RBM23: variants seen among roughly 807,000 people sequenced by gnomAD.
RBM23 encodes the protein RNA binding motif protein 23.
RBM23 carries 53 observed loss-of-function variants against 56.2 expected under a neutral mutation model. The observed-to-expected ratio is 0.94, with a 90% confidence interval of 0.76 to 1.19. RBM23 has a LOEUF of 1.19. Ranked by LOEUF, RBM23 falls within the 50% of genes most tolerant of loss-of-function variation. RBM23 has a pLI of 0.00. For synonymous variants in RBM23, 197 were observed against 198.5 expected (o/e 0.99, Z 0.06); for missense variants, 642 against 590.3 (o/e 1.09, Z -0.91).
At chr14:22,903,032 T>C (rs1022538740) in intron 10 of RBM23, 11 of 970,062 alleles carry the variant, frequency 1.1e-5, no homozygotes, top group Non-Finnish European at 1.3e-5. Context: ...TTCACCCACC[T>C]TGGCCTCCCA....
chr14:22,913,676 C>T (rs944872485), intron 1 of RBM23: 1 of 151,004 alleles, frequency 6.6e-6, no homozygotes, highest in Non-Finnish European at 1.5e-5. Context: ...GGTGAAACCT[C>T]ATCTCTACTA....
At position 22,895,773 on chromosome 14, in the gene RBM23, T is replaced by TCAAAA. The variant is rs1401888631; in HGVS notation, c.*5952_*5956dup. ...ATGGGCAACAGAGCCAGACCCTGTC[T>TCAAAA]CAAAACAAAACAAAACTGAGTGCCC... On this transcript the variant is annotated 3_prime_UTR_variant, in exon 14 of 14. Coordinates refer to ENST00000359890, the MANE Select transcript of RBM23 (RefSeq NM_001077351.2). 1 of 152,336 alleles carries TCAAAA rather than the reference T, an allele frequency of 6.6e-6. No individual in the cohort carries two copies. The highest frequency in any genetic ancestry group is 2.4e-5 in the African/African-American group (1 of 41,448). 9.4% of individuals were successfully genotyped at this position (152,336 alleles called of 1,614,324 possible).
At chr14:22,909,429 C>A (rs939700176) in intron 3 of RBM23, 54 bp downstream of exon 3, 1 of 1,437,650 alleles carries the variant, frequency 7.0e-7, no homozygotes, top group Non-Finnish European at 9.8e-7. Context: ...TTCCAATGGA[C>A]AAAACTGTTT....
intron 10 of RBM23, chr14:22,902,873 C>T: frequency 1.2e-6 from 1 of 822,810 alleles, no homozygotes; most frequent in Non-Finnish European, 1.5e-6. Flanking sequence ...CTCCTGGGTT[C>T]AAGCAATTCT....
Position 22,909,604 on chromosome 14 carries a change from T to C in RBM23, c.67-9A>G, listed in dbSNP as rs753776492. 8.7e-6 allele frequency: 14 copies of C among 1,607,326 alleles called. No individual in the cohort carries two copies. Among genetic ancestry groups the C allele is most frequent in the Non-Finnish European group, 1.2e-5 (14 of 1,174,550 alleles). ...TTCCTTTGTTGCTCATCCTGAGGCA[T>C]TCACCAGGAAAATGTCACAAGGTAT... On this transcript the variant is annotated splice_polypyrimidine_tract_variant and intron_variant, in intron 2 of 13. Transcript: ENST00000359890.
intron 5 of RBM23, chr14:22,905,907 A>C: frequency 1.7e-6 from 1 of 589,872 alleles, no homozygotes; most frequent in Admixed American, 3.1e-5. Flanking sequence ...ACATGACCAT[A>C]TCTAGCTCAT....
intron 2 of RBM23, among the ~76,000 whole-genome samples, 194 bp downstream of exon 2, chr14:22,911,134 G>A (rs897305459): frequency 3.3e-5 from 5 of 152,234 alleles, no homozygotes; most frequent in Admixed American, 6.5e-5. Flanking sequence ...GGTTTCTGAG[G>A]TTGTCTCTAA....
In RBM23 at chr14:22,897,147, C is replaced by T. The variant is rs1379626337; in HGVS notation, c.*4583G>A. The T allele has an allele frequency of 6.6e-6, 1 of 152,168 alleles. No homozygotes were observed. The highest frequency in any genetic ancestry group is 2.4e-5 in the African/African-American group (1 of 41,436). 9.4% of individuals were successfully genotyped at this position (152,168 alleles called of 1,614,324 possible). A position where few individuals can be genotyped will look rare whatever the true frequency, so the allele number is the denominator to read the frequency against. ...CAGCCTTTGGAAAGCCTGGTGCTGA[C>T]TTTAACACTTTAATGAACAGCATTC... On this transcript the variant is annotated 3_prime_UTR_variant, in exon 14 of 14. Transcript: ENST00000359890.
intron 1 of RBM23, among the ~76,000 whole-genome samples, chr14:22,916,320 A>G (rs1434634120): frequency 2.0e-5 from 3 of 151,214 alleles, no homozygotes; most frequent in East Asian, 1.9e-4. Context: ...GTAATGTTGC[A>G]ATCTCGGCTC....
intron 9 of RBM23, 149 bp from the exon 10 acceptor site, chr14:22,904,475 C>T (rs1400736658): frequency 3.0e-6 from 2 of 677,648 alleles, no homozygotes; most frequent in Non-Finnish European, 2.4e-6. Flanking sequence ...GACCTTGTCT[C>T]GGAAAAAAAA....
At chr14:22,917,389 C>A (rs1267065921) in intron 1 of RBM23, 1 of 152,152 alleles carries the variant, frequency 6.6e-6, no homozygotes, top group Non-Finnish European at 1.5e-5. Context: ...TACAAATAAA[C>A]CTCTACGTAA....
rs753811242 is a variant in RBM23, at chr14:22,909,501, G to A, written c.161C>T (p.Thr54Ile). Residue 54 changes from threonine (T) to isoleucine (I), a missense_variant, in exon 3 of 14, where the codon ACC (threonine) becomes ATC (isoleucine). Transcript: ENST00000359890. ...NSGNETSGSSTIGETSKKKRS... is the reference protein window; with the variant it reads ...NSGNETSGSSIIGETSKKKRS... The stretch of plus-strand genomic sequence containing the variant: ...CACTCACTTGCTTGTCTCCCCGATG[G>A]TGCTGCTTCCACTGGTCTCATTGCC... The A allele has an allele frequency of 1.9e-6, 3 of 1,613,046 alleles. No homozygotes were observed. Among genetic ancestry groups the A allele is most frequent in the Non-Finnish European group, 1.7e-6 (2 of 1,179,886 alleles).
Position 22,901,890 on chromosome 14 carries a change from C to G in RBM23, c.1247-7G>C, listed in dbSNP as rs1037850034. On this transcript the variant is annotated splice_region_variant and splice_polypyrimidine_tract_variant and intron_variant, in intron 12 of 13. Coordinates refer to ENST00000359890, the MANE Select transcript of RBM23 (RefSeq NM_001077351.2). ...TTCAGGGCTGGACTCAGAGCTAGAACAAAGACAGGCAGAGTGAGTGAGCAA... is the reference window on the plus strand; with the variant it reads ...TTCAGGGCTGGACTCAGAGCTAGAAGAAAGACAGGCAGAGTGAGTGAGCAA... 3 of 1,614,192 alleles carry G rather than the reference C, an allele frequency of 1.9e-6. No homozygotes were observed. The highest frequency in any genetic ancestry group is 1.3e-5 in the African/African-American group (1 of 75,050).
At chr14:22,903,858 AG>A (rs1367414939) in intron 10 of RBM23, 1 of 1,135,686 alleles carries the variant, frequency 8.8e-7, no homozygotes, top group East Asian at 6.4e-5. Flanking sequence ...CAAATGGGGT[AG>A]CACCAGAGGG....
intron 4 of RBM23, among the ~76,000 whole-genome samples, chr14:22,907,530 A>G (rs906464325): frequency 6.6e-6 from 1 of 152,240 alleles, no homozygotes; most frequent in East Asian, 1.9e-4. Flanking sequence ...TTTACAAATT[A>G]TATGTATTAA....
Position 22,897,445 on chromosome 14 carries a change from G to C in RBM23, c.*4285C>G, listed in dbSNP as rs550059434. The C allele has an allele frequency of 1.3e-5, 2 of 152,206 alleles. No individual in the cohort carries two copies. Among genetic ancestry groups the C allele is most frequent in the Non-Finnish European group, 2.9e-5 (2 of 68,032 alleles). The allele number at this position is 152,206 out of a possible 1,614,324, so 9.4% of individuals were successfully genotyped here. ...CAGAAGGAGGAAAGGAAGAGAGATA[G>C]CTGGCAGGTTAGATCACTCCCATGC... On this transcript the variant is annotated 3_prime_UTR_variant, in exon 14 of 14. Transcript: ENST00000359890.
rs761776556 is a variant in RBM23, at chr14:22,901,822, G to T, written c.1308C>A (p.Pro436=). The T allele has an allele frequency of 1.2e-6, 2 of 1,614,082 alleles. No individual in the cohort carries two copies. Among genetic ancestry groups the T allele is most frequent in the African/African-American group, 2.7e-5 (2 of 74,934 alleles). Residue 436 remains proline (P), a synonymous_variant, in exon 13 of 14, where the codon CCC becomes CCA. Coordinates refer to ENST00000359890, the MANE Select transcript of RBM23 (RefSeq NM_001077351.2). Reference sequence around the variant, plus strand: ...TAGACCCTGAGACTCACATGGTCTGGGGGGTAAAGAGGCTGGAGAGCTGGA... The same window carrying T: ...TAGACCCTGAGACTCACATGGTCTGTGGGGTAAAGAGGCTGGAGAGCTGGA... ...QCFQLSSLFT[P]QTM is the part of the protein sequence containing the mutation.
intron 10 of RBM23, 52 bp from the exon 11 acceptor site, chr14:22,902,434 C>G (rs2040718322): frequency 1.9e-6 from 3 of 1,583,066 alleles, no homozygotes. Flanking sequence ...GACATGCTCT[C>G]AAAGACCCAG....
chr14:22,912,179 G>A (rs941715169), intron 1 of RBM23, among the ~76,000 whole-genome samples: 3 of 151,870 alleles, frequency 2.0e-5, no homozygotes, highest in Non-Finnish European at 2.9e-5. Flanking sequence ...AATATAAAAC[G>A]AAAAAATAAT....
Sources: gnomAD v4.1 joint callset for allele counts (sites outside exome capture counted in the v4.1 genomes callset) on GRCh38, gnomAD v4.1.1 for gene constraint, MANE v1.5 for transcripts, NCBI Gene and HGNC (gene_info 2026-07-23, HGNC 2026-07-21) for gene names.